The following PLBD2 variants were observed in gnomAD, a reference collection of about 807,000 sequenced individuals.
PLBD2 encodes phospholipase B domain containing 2, also known as putative aminopeptidase PLBD2.
In PLBD2, 51 loss-of-function variants were observed where a neutral mutation model predicts 68.3. The ratio of observed to expected loss-of-function variants is 0.75; its 90% CI spans 0.60 to 0.94. The LOEUF (loss-of-function observed/expected upper bound fraction) is 0.94. PLBD2 is among the 40% of genes least tolerant of loss of function. PLBD2 has a pLI of 0.00. For missense variants in PLBD2, 729 were observed against 792.2 expected (o/e 0.92, Z 0.96); for synonymous variants, 314 against 339.3 (o/e 0.93, Z 0.82).
chr12:113,375,377 C>G (rs1957431527), intron 5 of PLBD2, among the ~76,000 whole-genome samples: 2 of 152,128 alleles, frequency 1.3e-5, no homozygotes, highest in Admixed American at 6.5e-5. Flanking sequence ...GTCTCAAACT[C>G]CTGGGCTCAA....
At chr12:113,387,190 C>A in intron 10 of PLBD2, 101 bp downstream of exon 10, 1 of 1,410,570 alleles carries the variant, frequency 7.1e-7, no homozygotes, top group Non-Finnish European at 9.4e-7. Flanking sequence ...TTGCTGCCAG[C>A]CCCAGAGGGC....
rs1957578650 is a variant in PLBD2 at position 113,388,783 on chromosome 12, G to C, written c.*157G>C. The C allele has an allele frequency of 2.5e-6, 2 of 786,052 alleles. No homozygotes were observed. Among genetic ancestry groups the C allele is most frequent in the Non-Finnish European group, 3.8e-6 (2 of 528,810 alleles). The allele number at this position is 786,052 out of a possible 1,614,324, so 48.7% of individuals were successfully genotyped here. ...TCCTCCTAGAGTGGGTCACGAACCT[G>C]ATGGGGCTCAGAACTGACCCCCTCT... On this transcript the variant is annotated 3_prime_UTR_variant, in exon 12 of 12. Coordinates refer to ENST00000280800, the MANE Select transcript of PLBD2 (RefSeq NM_173542.4).
At chr12:113,371,451 A>C (rs1414941765) in intron 2 of PLBD2, among the ~76,000 whole-genome samples, 5 of 152,064 alleles carry the variant, frequency 3.3e-5, no homozygotes, top group Non-Finnish European at 7.4e-5. Context: ...CTTTTATAAA[A>C]CTCACACTGC....
At position 113,386,354 on chromosome 12, in the gene PLBD2, AT is replaced by A. The variant is rs1221763402; in HGVS notation, c.1287-566del. 6.9e-3 allele frequency among the ~76,000 whole-genome samples: 629 copies of A among 90,580 alleles called. 7 individuals are homozygous for A. Among genetic ancestry groups the A allele is most frequent in the African/African-American group, 0.027 (577 of 21,022 alleles). 59.4% of individuals were successfully genotyped at this position (90,580 alleles called of 152,430 possible). A position where few individuals can be genotyped will look rare whatever the true frequency, so the allele number is the denominator to read the frequency against. On this transcript the variant is annotated intron_variant, in intron 9 of 11. Coordinates refer to ENST00000280800, the MANE Select transcript of PLBD2 (RefSeq NM_173542.4). ...CAGGCACGTGCCACCACGCCGGCTA[AT>A]TTTTTTTTTTTTTTTTGAGACGGAG... is the stretch of plus-strand genomic sequence containing the variant.
rs1957598658 is a variant in PLBD2, at chr12:113,390,383, TC to T, written c.*1758del. The T allele has an allele frequency of 6.6e-6, 1 of 151,404 alleles. No individual in the cohort carries two copies. The highest frequency in any genetic ancestry group is 1.5e-5 in the Non-Finnish European group (1 of 67,844). 9.4% of individuals were successfully genotyped at this position (151,404 alleles called of 1,614,324 possible). On this transcript the variant is annotated 3_prime_UTR_variant, in exon 12 of 12. Coordinates refer to ENST00000280800, the MANE Select transcript of PLBD2 (RefSeq NM_173542.4). ...CATCAATCCAACCATTTTCATCTGT[TC>T]ATTTTCCATCCATCTACCCGTCCAC... is the stretch of plus-strand genomic sequence containing the variant.
chr12:113,371,078 C>T (rs1015831553), intron 2 of PLBD2, among the ~76,000 whole-genome samples: 1 of 152,114 alleles, frequency 6.6e-6, no homozygotes, highest in Non-Finnish European at 1.5e-5. Flanking sequence ...AAAACAAAAC[C>T]ACACAAAAAA....
chr12:113,384,184 G>C lies in PLBD2; in HGVS notation c.1037G>C (p.Trp346Ser). The C allele has an allele frequency of 6.2e-7, 1 of 1,613,934 alleles. No individual in the cohort carries two copies. Among genetic ancestry groups the C allele is most frequent in the African/African-American group, 1.3e-5 (1 of 75,012 alleles). ...YVRPRGCVLEWVRNIVANRLA... is the reference protein window; with the variant it reads ...YVRPRGCVLESVRNIVANRLA... Reference sequence around the variant, plus strand: ...CGGCCCAGGGGCTGTGTGCTGGAGTGGGTACGCAACATCGTGGCCAACCGC... The same window carrying C: ...CGGCCCAGGGGCTGTGTGCTGGAGTCGGTACGCAACATCGTGGCCAACCGC... Residue 346 changes from tryptophan (W) to serine (S), a missense_variant, in exon 7 of 12, where the codon TGG becomes TCG. Coordinates refer to ENST00000280800, the MANE Select transcript of PLBD2 (RefSeq NM_173542.4). This position sits in a 1 kb window ranked among gnomAD's most constrained non-coding sequence, Gnocchi z 4.2.
At chr12:113,374,685 G>T in intron 4 of PLBD2, 108 bp from the exon 5 acceptor site, 1 of 1,482,492 alleles carries the variant, frequency 6.7e-7, no homozygotes, top group Non-Finnish European at 9.3e-7. Flanking sequence ...TGTGGCCTTG[G>T]AACAGTCAGC....
At chr12:113,363,594 G>A (rs929002265) in intron 1 of PLBD2, among the ~76,000 whole-genome samples, 1 of 145,126 alleles carries the variant, frequency 6.9e-6, no homozygotes, top group Non-Finnish European at 1.5e-5. Flanking sequence ...GCTGGAGTCA[G>A]TGGCGCGATT....
At chr12:113,383,666 C>T (rs972847185) in intron 6 of PLBD2, among the ~76,000 whole-genome samples, 1 of 151,652 alleles carries the variant, frequency 6.6e-6, no homozygotes, top group Admixed American at 6.6e-5. Flanking sequence ...AACTCCTGAC[C>T]TCAGGTGATC....
intron 5 of PLBD2, among the ~76,000 whole-genome samples, chr12:113,377,570 C>T (rs931377933): frequency 2.6e-5 from 4 of 152,146 alleles, no homozygotes; most frequent in Non-Finnish European, 5.9e-5. Flanking sequence ...GGATTACAGG[C>T]ACACACCACC....
chr12:113,372,954 C>A lies in PLBD2; in HGVS notation c.543+147C>A. On this transcript the variant is annotated intron_variant, in intron 3 of 11. Transcript: ENST00000280800. This position sits in a 1 kb window ranked among gnomAD's most constrained non-coding sequence, Gnocchi z 4.2. Reference sequence around the variant, plus strand: ...ATCTCCATCCCTCCTAGCCGACCTGCCACTCATCCATCTGCCCAGTCTCCA... The same window carrying A: ...ATCTCCATCCCTCCTAGCCGACCTGACACTCATCCATCTGCCCAGTCTCCA... The A allele has an allele frequency of 1.1e-6, 1 of 872,646 alleles. No individual in the cohort carries two copies. The highest frequency in any genetic ancestry group is 2.8e-5 in the Admixed American group (1 of 35,798). The allele number at this position is 872,646 out of a possible 1,614,324, so 54.1% of individuals were successfully genotyped here.
intron 1 of PLBD2, among the ~76,000 whole-genome samples, chr12:113,367,759 A>AAG (rs1555205487): frequency 2.0e-5 from 3 of 148,096 alleles, no homozygotes; most frequent in African/African-American, 7.6e-5. Context: ...AAAAAAAAAA[A>AAG]AAAAAAGAAA....
Position 113,377,669 on chromosome 12 carries a change from AACCG to A in PLBD2, c.859+2663_859+2666del, listed in dbSNP as rs1957447165. ...TTGAATACCTGACCTCAAGTGATCC[AACCG>A]CCTGTCCTGATTTCTCACAGAATAG... On this transcript the variant is annotated intron_variant, in intron 5 of 11. Coordinates refer to ENST00000280800, the MANE Select transcript of PLBD2 (RefSeq NM_173542.4). Among the ~76,000 whole-genome samples, 8 of 152,254 alleles carry A rather than the reference AACCG, an allele frequency of 5.3e-5. No homozygotes were observed. In the South Asian group the frequency reaches 1.5e-3, roughly 28 times the overall value.
At chr12:113,368,545 T>A (rs748665537) in intron 1 of PLBD2, among the ~76,000 whole-genome samples, 5 of 152,066 alleles carry the variant, frequency 3.3e-5, no homozygotes, top group Non-Finnish European at 7.4e-5. Context: ...TCCACCCATA[T>A]CCCATTGGCC....
rs745842932 is a variant in PLBD2 at position 113,384,947 on chromosome 12, G to T, written c.1214+1G>T. On this transcript the variant is annotated splice_donor_variant, in intron 8 of 11. Transcript: ENST00000280800. LOFTEE classifies it high-confidence loss of function. This position sits in a 1 kb window ranked among gnomAD's most constrained non-coding sequence, Gnocchi z 4.2. ...TGCTTACCATCCTGGAGCAGATCCCGTGCGTACCCTGGGAGGGAGGGGTGG... is the reference window on the plus strand; with the variant it reads ...TGCTTACCATCCTGGAGCAGATCCCTTGCGTACCCTGGGAGGGAGGGGTGG... The T allele has an allele frequency of 1.9e-6, 3 of 1,610,008 alleles. No homozygotes were observed.
chr12:113,382,515 T>C (rs1957500921), intron 6 of PLBD2, among the ~76,000 whole-genome samples: 1 of 151,952 alleles, frequency 6.6e-6, no homozygotes, highest in African/African-American at 2.4e-5. Context: ...TGATCACAGC[T>C]CACTGCAGCC....
chr12:113,384,735 TG>T lies in PLBD2; in HGVS notation c.1119-114del, dbSNP rs2136922393. The stretch of plus-strand genomic sequence containing the variant: ...AGCGTCAGGGTGTCAGTTGAATGGC[TG>T]GACAACCCCAGGCCCACTTCCTGTA... On this transcript the variant is annotated intron_variant, in intron 7 of 11. Coordinates refer to ENST00000280800, the MANE Select transcript of PLBD2 (RefSeq NM_173542.4). This position sits in a 1 kb window ranked among gnomAD's most constrained non-coding sequence, Gnocchi z 4.2. The T allele has an allele frequency of 3.8e-6, 3 of 783,754 alleles. No individual in the cohort carries two copies. The East Asian group carries it at 8.1e-5, about 21-fold the overall frequency. The allele number at this position is 783,754 out of a possible 1,614,324, so 48.5% of individuals were successfully genotyped here.
At chr12:113,363,484 A>G (rs1266158925) in intron 1 of PLBD2, among the ~76,000 whole-genome samples, 1 of 151,462 alleles carries the variant, frequency 6.6e-6, no homozygotes, top group Admixed American at 6.6e-5. Flanking sequence ...GGGATGGGAT[A>G]TGGGAAGTAA....
Sources: gnomAD v4.1 joint callset for allele counts (sites outside exome capture counted in the v4.1 genomes callset) on GRCh38, gnomAD v4.1.1 for gene constraint, Gnocchi (gnomAD v3.1) non-coding constraint, MANE v1.5 for transcripts, NCBI Gene and HGNC (gene_info 2026-07-23, HGNC 2026-07-21) for gene names.